The following KCNN2 variants were observed in gnomAD, a reference collection of about 807,000 sequenced individuals.
KCNN2 encodes potassium calcium-activated channel subfamily N member 2, also known as small conductance calcium-activated potassium channel protein 2.
A neutral mutation model predicts 55.5 loss-of-function variants in KCNN2; 24 were observed. The observed-to-expected ratio is 0.43, with a 90% CI of 0.31 to 0.61. The LOEUF is 0.61. Among genes scored for constraint, KCNN2 ranks in the 20% least tolerant of loss-of-function variants. The probability of loss-of-function intolerance (pLI) is 0.08; values close to 1 mark genes in which losing one functional copy is unlikely to be tolerated. For synonymous variants in KCNN2, 431 were observed against 336.1 expected (o/e 1.28, Z -3.09); for missense variants, 754 against 853.6 (o/e 0.88, Z 1.45).
At chr5:114,492,636 C>A (rs942919558) in intron 6 of KCNN2, among the ~76,000 whole-genome samples, 1 of 151,972 alleles carries the variant, frequency 6.6e-6, no homozygotes, top group African/African-American at 2.4e-5. Context: ...TCTTAATTGA[C>A]TCTTCATCAG....
intron 2 of KCNN2, among the ~76,000 whole-genome samples, chr5:114,243,149 A>C (rs1754678574): frequency 6.6e-6 from 1 of 152,204 alleles, no homozygotes; most frequent in African/African-American, 2.4e-5. Flanking sequence ...TCTAAATCTA[A>C]GTTATTTAGA....
intron 2 of KCNN2, among the ~76,000 whole-genome samples, chr5:114,254,929 C>A (rs4235757): frequency 0.82 from 124,265 of 151,204 alleles, 50,953 homozygotes; most frequent in East Asian, 0.88. Flanking sequence ...ACCAAAAAAA[C>A]AATCTTAAGT....
chr5:114,106,643 G>GTT (rs149036166), intron 1 of KCNN2, among the ~76,000 whole-genome samples: 9,812 of 69,338 alleles, frequency 0.14, 457 homozygotes, highest in Middle Eastern at 0.26. Context: ...TTTTCCAGTT[G>GTT]TTTTTTTTTT....
At chr5:114,092,545 TC>T (rs1751166592) in intron 1 of KCNN2, among the ~76,000 whole-genome samples, 1 of 152,204 alleles carries the variant, frequency 6.6e-6, no homozygotes, top group African/African-American at 2.4e-5. Flanking sequence ...GTGGGGACTT[TC>T]TGTGGGGGCT....
rs1754644756 is a variant in KCNN2 at position 114,241,806 on chromosome 5, GTATATATATATATGTGTGTA to G, written c.-185+20255_-185+20274del. ...TACGTATATATATGTATATATATAC[GTATATATATATATGTGTGTA>G]TATATATATATATATATATGGAGTG... On this transcript the variant is annotated intron_variant, in intron 2 of 10. Transcript: ENST00000512097. Among the ~76,000 whole-genome samples the G allele has an allele frequency of 3.1e-4, 2 of 6,482 alleles. 1 individual carries two copies. The highest frequency in any genetic ancestry group is 7.3e-4 in the African/African-American group (2 of 2,752). The allele number at this position is 6,482 out of a possible 152,430, so 4.3% of individuals were successfully genotyped here.
chr5:114,123,044 G>A (rs2974461), intron 1 of KCNN2, among the ~76,000 whole-genome samples: 10,555 of 152,246 alleles, frequency 0.069, 1,217 homozygotes, highest in African/African-American at 0.24. Flanking sequence ...ACAGATGACA[G>A]TGTGAGAGAC....
chr5:114,322,619 C>T (rs973391740), intron 2 of KCNN2, among the ~76,000 whole-genome samples: 4 of 143,622 alleles, frequency 2.8e-5, no homozygotes, highest in African/African-American at 7.6e-5. Context: ...ACACTTGATT[C>T]CAGGACAGCT....
intron 2 of KCNN2, among the ~76,000 whole-genome samples, chr5:114,333,105 C>A (rs1756855288): frequency 6.6e-6 from 1 of 151,934 alleles, no homozygotes; most frequent in African/African-American, 2.4e-5. Context: ...AGTTTACAGT[C>A]AGAAAGAATA....
At chr5:114,472,386 T>G (rs1180699406) in intron 4 of KCNN2, among the ~76,000 whole-genome samples, 1 of 152,140 alleles carries the variant, frequency 6.6e-6, no homozygotes, top group Non-Finnish European at 1.5e-5. Context: ...CACTGTTGGT[T>G]TTTTCAAAAT....
rs1489060128 is a variant in KCNN2, at chr5:114,379,561, CAT to C, written c.1218+15563_1218+15564del. Among the ~76,000 whole-genome samples, 28 of 79,958 alleles carry C rather than the reference CAT, an allele frequency of 3.5e-4. 2 individuals carry two copies. The highest frequency in any genetic ancestry group is 1.5e-3 in the African/African-American group (20 of 13,316). 52.5% of individuals were successfully genotyped at this position (79,958 alleles called of 152,430 possible). ...ATATATTATAGAATATATTATATAA[CAT>C]ATTATATATTATAGAATATATTATA... is the stretch of plus-strand genomic sequence containing the variant. On this transcript the variant is annotated intron_variant, in intron 2 of 7. Coordinates refer to ENST00000673685, the MANE Select transcript of KCNN2 (RefSeq NM_021614.4).
At chr5:114,487,460 CTATT>C (rs1747629545) in intron 6 of KCNN2, among the ~76,000 whole-genome samples, 1 of 151,902 alleles carries the variant, frequency 6.6e-6, no homozygotes, top group Non-Finnish European at 1.5e-5. Context: ...TTAATTTGAC[CTATT>C]TATTCAGATA....
chr5:114,126,355 G>A (rs989682942), intron 1 of KCNN2, among the ~76,000 whole-genome samples: 1 of 152,096 alleles, frequency 6.6e-6, no homozygotes, highest in Non-Finnish European at 1.5e-5. Flanking sequence ...GGAGGCCTCA[G>A]GAAACTTACA....
intron 3 of KCNN2, among the ~76,000 whole-genome samples, chr5:114,461,956 C>T (rs1366595823): frequency 6.6e-6 from 1 of 152,112 alleles, no homozygotes; most frequent in Non-Finnish European, 1.5e-5. Flanking sequence ...GAAAGGAAAG[C>T]CCTCTGAGTG....
At chr5:114,457,629 T>C (rs952014841) in intron 3 of KCNN2, among the ~76,000 whole-genome samples, 1 of 152,136 alleles carries the variant, frequency 6.6e-6, no homozygotes, top group Non-Finnish European at 1.5e-5. Context: ...AGATGAGTTT[T>C]CAGCTTAATA....
intron 1 of KCNN2, among the ~76,000 whole-genome samples, chr5:114,197,027 G>C (rs1753571689): frequency 1.3e-5 from 2 of 151,824 alleles, no homozygotes; most frequent in Admixed American, 6.6e-5. Context: ...CCATAGTTTT[G>C]TTTCATTGTG....
rs937409648 is a variant in KCNN2 at position 114,362,427 on chromosome 5, C to T, written c.288C>T (p.Gly96=). ...TGCTGCTCCGCACCTCCTCGCCCGG[C>T]GGCGCCTTCCGGACCCGCACCTCCT... ...LSLLLRTSSP[G]GAFRTRTSSP... Residue 96 remains glycine, a synonymous_variant, in exon 1 of 8, where the codon GGC becomes GGT. Transcript: ENST00000673685. 1.5e-5 allele frequency: 5 copies of T among 342,724 alleles called. No homozygotes were observed. The highest frequency in any genetic ancestry group is 2.1e-5 in the Non-Finnish European group (4 of 189,164). The allele number at this position is 342,724 out of a possible 1,614,324, so 21.2% of individuals were successfully genotyped here. A position where few individuals can be genotyped will look rare whatever the true frequency, so the allele number is the denominator to read the frequency against.
intron 2 of KCNN2, among the ~76,000 whole-genome samples, chr5:114,253,180 A>C (rs1754910270): frequency 8.2e-6 from 1 of 122,488 alleles, no homozygotes; most frequent in African/African-American, 3.2e-5. Flanking sequence ...CGGTCTTTCC[A>C]TTCCATCTGG....
chr5:114,208,338 T>A (rs184207749), intron 1 of KCNN2, among the ~76,000 whole-genome samples: 1 of 152,276 alleles, frequency 6.6e-6, no homozygotes, highest in African/African-American at 2.4e-5. Flanking sequence ...TCTCAGCAGA[T>A]GATTTTATTT....
intron 7 of KCNN2, among the ~76,000 whole-genome samples, chr5:114,493,964 C>G (rs1269252335): frequency 6.6e-6 from 1 of 152,120 alleles, no homozygotes; most frequent in Non-Finnish European, 1.5e-5. Context: ...CTAAAGTGAT[C>G]ACTTTTTTAT....
Sources: gnomAD v4.1 joint callset for allele counts (sites outside exome capture counted in the v4.1 genomes callset) on GRCh38, gnomAD v4.1.1 for gene constraint, MANE v1.5 for transcripts, NCBI Gene and HGNC (gene_info 2026-07-23, HGNC 2026-07-21) for gene names.